Variants in RASGRF2 observed in about 807,000 individuals in gnomAD.
RASGRF2 encodes Ras protein specific guanine nucleotide releasing factor 2.
RASGRF2 carries 76 observed loss-of-function variants against 151.0 expected under a neutral mutation model. That is an observed-to-expected ratio of 0.50 (90% CI 0.42 to 0.61). RASGRF2 has a LOEUF of 0.61. Among genes scored for constraint, RASGRF2 ranks in the 20% least tolerant of loss-of-function variants. RASGRF2 has a pLI of 0.00. For missense variants in RASGRF2, 1,148 were observed against 1,564.6 expected (o/e 0.73, Z 4.49); for synonymous variants, 504 against 566.5 (o/e 0.89, Z 1.57).
chr5:81,108,582 T>A (rs1357424287), intron 12 of RASGRF2, among the ~76,000 whole-genome samples: 2 of 152,188 alleles, frequency 1.3e-5, no homozygotes, highest in Non-Finnish European at 2.9e-5. Context: ...CTGACTACTC[T>A]ACACCACCCC....
At chr5:81,165,634 C>T (rs1754487918) in intron 17 of RASGRF2, among the ~76,000 whole-genome samples, 3 of 152,254 alleles carry the variant, frequency 2.0e-5, no homozygotes, top group Admixed American at 6.5e-5. Flanking sequence ...TGACATTATC[C>T]GCCTGACCTT....
At chr5:80,983,736 T>A (rs79218435) in intron 1 of RASGRF2, among the ~76,000 whole-genome samples, 2,305 of 152,330 alleles carry the variant, frequency 0.015, 31 homozygotes, top group Non-Finnish European at 0.019. Context: ...TGTGTATACT[T>A]ACACATGCTG....
In RASGRF2 at chr5:81,099,946, C is replaced by A. The variant is rs188475105; in HGVS notation, c.1755+4954C>A. 7.3e-3 allele frequency among the ~76,000 whole-genome samples: 986 copies of A among 135,340 alleles called. 6 individuals carry two copies. The highest frequency in any genetic ancestry group is 0.025 in the African/African-American group (899 of 36,224). The allele number at this position is 135,340 out of a possible 152,430, so 88.8% of individuals were successfully genotyped here. ...TTTTTGAGACAGAGTCTCGCCCTGT[C>A]GCCCAGGCTGGAGTGCAGTGGCATG... On this transcript the variant is annotated intron_variant, in intron 12 of 26. Transcript: ENST00000265080.
chr5:81,022,456 G>T (rs978147360), intron 1 of RASGRF2, among the ~76,000 whole-genome samples: 1 of 152,182 alleles, frequency 6.6e-6, no homozygotes, highest in Non-Finnish European at 1.5e-5. Flanking sequence ...TTGTCATGAG[G>T]CTTGGGGTGG....
At chr5:81,090,870 T>A (rs1752370766) in intron 9 of RASGRF2, among the ~76,000 whole-genome samples, 1 of 152,156 alleles carries the variant, frequency 6.6e-6, no homozygotes, top group Admixed American at 6.5e-5. Flanking sequence ...AACACATTAT[T>A]ATTGAGTTTT....
In RASGRF2 at chr5:80,968,182, TC is replaced by T. The variant is rs200973532; in HGVS notation, c.288+7157del. ...TTTTTATTACTCTCTTTGATATTCCTCTTTTTATTTTCATTATTAGGATGAC... is the reference window on the plus strand; with the variant it reads ...TTTTTATTACTCTCTTTGATATTCCTTTTTTATTTTCATTATTAGGATGAC... On this transcript the variant is annotated intron_variant, in intron 1 of 26. Transcript: ENST00000265080. Among the ~76,000 whole-genome samples, 34 of 152,360 alleles carry T rather than the reference TC, an allele frequency of 2.2e-4. No individual in the cohort carries two copies. The East Asian group carries it at 6.6e-3, about 29-fold the overall frequency.
At chr5:80,987,899 A>G (rs572974632) in intron 1 of RASGRF2, among the ~76,000 whole-genome samples, 3 of 152,022 alleles carry the variant, frequency 2.0e-5, no homozygotes, top group Admixed American at 1.3e-4. Context: ...TTAGAAAGCT[A>G]CTTAGAGATC....
At chr5:80,962,376 G>C (rs1747589968) in intron 1 of RASGRF2, among the ~76,000 whole-genome samples, 1 of 151,752 alleles carries the variant, frequency 6.6e-6, no homozygotes, top group Non-Finnish European at 1.5e-5. Context: ...TGGGAGAAGA[G>C]TTTTGAGGAA....
In RASGRF2 at chr5:81,175,330, C is replaced by A. The variant is rs550366810; in HGVS notation, c.2687-4845C>A. ...AAAGCTCATAGCAAAGCACCTGGCA[C>A]AAAGCAGCAATAAATCTTAATGATC... On this transcript the variant is annotated intron_variant, in intron 17 of 26. Coordinates refer to ENST00000265080, the MANE Select transcript of RASGRF2 (RefSeq NM_006909.3). Among the ~76,000 whole-genome samples, 3 of 152,250 alleles carry A rather than the reference C, an allele frequency of 2.0e-5. No individual in the cohort carries two copies. The East Asian group carries it at 5.8e-4, about 29-fold the overall frequency.
At chr5:81,001,665 C>G (rs956894731) in intron 1 of RASGRF2, among the ~76,000 whole-genome samples, 1 of 152,212 alleles carries the variant, frequency 6.6e-6, no homozygotes, top group African/African-American at 2.4e-5. Context: ...TCTACACATA[C>G]TGTTCTCCTC....
chr5:81,200,464 C>G (rs1394142790), intron 18 of RASGRF2, among the ~76,000 whole-genome samples: 1 of 152,142 alleles, frequency 6.6e-6, no homozygotes, highest in Non-Finnish European at 1.5e-5. Context: ...TCTTCAATCT[C>G]ACTTCTATGT....
rs572883665 is a variant in RASGRF2, at chr5:80,961,177, C to T, written c.288+151C>T. ...CGTCACCAGTGGCGGGACATCTCCA[C>T]GCTCCTTCCGATCTTCATCCAGGGA... On this transcript the variant is annotated intron_variant, in intron 1 of 26. Transcript: ENST00000265080. 79 of 883,962 alleles carry T rather than the reference C, an allele frequency of 8.9e-5. No individual in the cohort carries two copies. The East Asian group carries it at 2.1e-3, about 23-fold the overall frequency. 54.8% of individuals were successfully genotyped at this position (883,962 alleles called of 1,614,324 possible).
chr5:80,986,107 C>T (rs1176553701), intron 1 of RASGRF2, among the ~76,000 whole-genome samples: 15 of 152,146 alleles, frequency 9.9e-5, no homozygotes, highest in Non-Finnish European at 2.9e-5. Flanking sequence ...TTACCTTTCA[C>T]ATTCACAATA....
At chr5:81,182,055 C>G (rs1259708796) in intron 18 of RASGRF2, among the ~76,000 whole-genome samples, 1 of 152,184 alleles carries the variant, frequency 6.6e-6, no homozygotes, top group African/African-American at 2.4e-5. Flanking sequence ...CCTGATTTGG[C>G]AGCTGAATTG....
At chr5:80,990,110 C>A (rs896355724) in intron 1 of RASGRF2, among the ~76,000 whole-genome samples, 1 of 152,066 alleles carries the variant, frequency 6.6e-6, no homozygotes, top group Non-Finnish European at 1.5e-5. Flanking sequence ...GAGCTGTGTC[C>A]CCTGGAGAAA....
intron 1 of RASGRF2, among the ~76,000 whole-genome samples, chr5:80,970,950 C>T (rs1286623814): frequency 6.6e-6 from 1 of 152,148 alleles, no homozygotes; most frequent in Non-Finnish European, 1.5e-5. Context: ...AATAATACAC[C>T]ATTTCTGTCC....
At chr5:81,137,839 A>G (rs7707396) in intron 17 of RASGRF2, among the ~76,000 whole-genome samples, 17,449 of 152,250 alleles carry the variant, frequency 0.11, 2,215 homozygotes, top group African/African-American at 0.32. Context: ...ACAAATTACT[A>G]AAGTCTCTTT....
chr5:80,962,696 A>T (rs1747603330), intron 1 of RASGRF2, among the ~76,000 whole-genome samples: 1 of 152,116 alleles, frequency 6.6e-6, no homozygotes, highest in South Asian at 2.1e-4. Flanking sequence ...TATGGAAACC[A>T]ACATTTTTCT....
chr5:81,035,484 G>C (rs1478066335), intron 1 of RASGRF2, among the ~76,000 whole-genome samples: 1 of 151,986 alleles, frequency 6.6e-6, no homozygotes, highest in Non-Finnish European at 1.5e-5. Flanking sequence ...AGTGGGGAGG[G>C]ATAGCATTAG....
Sources: allele counts gnomAD v4.1 joint callset (sites outside exome capture counted in the v4.1 genomes callset), GRCh38; gene constraint gnomAD v4.1.1; transcripts MANE v1.5; gene names NCBI Gene and HGNC (gene_info 2026-07-23, HGNC 2026-07-21).